DOK6: variants seen among roughly 807,000 people sequenced by gnomAD.
DOK6 encodes docking protein 6, also known as downstream of tyrosine kinase 6.
Under a neutral mutation model 44.0 loss-of-function variants are expected in DOK6, and 22 were observed. That is an observed-to-expected ratio of 0.50 (90% CI 0.36 to 0.71). The LOEUF (loss-of-function observed/expected upper bound fraction) is 0.71, where lower values mean the gene tolerates loss of function less well. Ranked by LOEUF, DOK6 falls within the 30% of genes least tolerant of loss-of-function variation. DOK6 has a pLI of 0.00. For synonymous variants in DOK6, 166 were observed against 145.5 expected (o/e 1.14, Z -1.01); for missense variants, 340 against 416.4 (o/e 0.82, Z 1.60).
chr18:69,820,125 T>C (rs939669395), intron 7 of DOK6, among the ~76,000 whole-genome samples: 1 of 152,222 alleles, frequency 6.6e-6, no homozygotes, highest in African/African-American at 2.4e-5. Flanking sequence ...GTATGTTTAC[T>C]ATATTTTCTT....
chr18:69,701,288 A>C (rs974264465), intron 5 of DOK6, among the ~76,000 whole-genome samples: 29 of 152,242 alleles, frequency 1.9e-4, no homozygotes, highest in African/African-American at 6.8e-4. Flanking sequence ...GGCGCCCAGG[A>C]GATGTATTCA....
chr18:69,571,207 C>T (rs1983107482), intron 2 of DOK6, among the ~76,000 whole-genome samples: 1 of 151,444 alleles, frequency 6.6e-6, no homozygotes, highest in African/African-American at 2.4e-5. Flanking sequence ...TTATTGTAAT[C>T]CCCAGAATAA....
intron 5 of DOK6, among the ~76,000 whole-genome samples, chr18:69,718,972 T>C (rs910270962): frequency 6.6e-6 from 1 of 152,168 alleles, no homozygotes; most frequent in African/African-American, 2.4e-5. Flanking sequence ...TTTAATATAT[T>C]CTAGATCTCA....
chr18:69,506,067 CAAAT>C (rs979178549), intron 1 of DOK6, among the ~76,000 whole-genome samples: 1 of 151,866 alleles, frequency 6.6e-6, no homozygotes, highest in African/African-American at 2.4e-5. Flanking sequence ...ATTCTAGCAA[CAAAT>C]GAATGTAGCT....
At chr18:69,623,584 A>G (rs1984491836) in intron 3 of DOK6, among the ~76,000 whole-genome samples, 1 of 152,194 alleles carries the variant, frequency 6.6e-6, no homozygotes, top group South Asian at 2.1e-4. Context: ...AATGTAGGGC[A>G]CTGGAAACAG....
At chr18:69,706,613 A>G (rs1444289121) in intron 5 of DOK6, among the ~76,000 whole-genome samples, 1 of 150,876 alleles carries the variant, frequency 6.6e-6, no homozygotes, top group Non-Finnish European at 1.5e-5. Context: ...CCATGCTGCT[A>G]TGCTGCACCC....
chr18:69,434,949 AGGG>A (rs1415100760), intron 1 of DOK6, among the ~76,000 whole-genome samples: 12,322 of 111,306 alleles, frequency 0.11, 1,273 homozygotes, highest in South Asian at 0.21. Context: ...GGAGGGAGGG[AGGG>A]AGGGAAGGAA....
intron 1 of DOK6, among the ~76,000 whole-genome samples, chr18:69,556,761 G>T (rs550277983): frequency 1.3e-5 from 2 of 152,232 alleles, no homozygotes; most frequent in South Asian, 4.2e-4. Context: ...CTATTTAACA[G>T]CCATTAAATA....
intron 1 of DOK6, among the ~76,000 whole-genome samples, chr18:69,412,229 T>A (rs1339174488): frequency 1.3e-5 from 2 of 151,920 alleles, no homozygotes; most frequent in Non-Finnish European, 2.9e-5. Flanking sequence ...GAGGTAGAGG[T>A]CATGTGATCC....
intron 1 of DOK6, among the ~76,000 whole-genome samples, chr18:69,452,206 C>G (rs767392886): frequency 1.5e-4 from 22 of 149,804 alleles, no homozygotes; most frequent in Non-Finnish European, 3.3e-4. Flanking sequence ...ATCAAATAGA[C>G]ACAATAAAAA....
At chr18:69,566,657 C>T (rs1329962539) in intron 2 of DOK6, among the ~76,000 whole-genome samples, 1 of 152,192 alleles carries the variant, frequency 6.6e-6, no homozygotes, top group Non-Finnish European at 1.5e-5. Context: ...GAGACACAGT[C>T]TTGCCCCGAA....
At chr18:69,789,161 A>G (rs919003654) in intron 7 of DOK6, among the ~76,000 whole-genome samples, 4 of 152,172 alleles carry the variant, frequency 2.6e-5, no homozygotes, top group African/African-American at 4.8e-5. Flanking sequence ...TGCTAGTACA[A>G]TTTTGTCTCC....
intron 2 of DOK6, 35 bp downstream of exon 2, chr18:69,564,629 C>T: frequency 2.0e-6 from 3 of 1,534,488 alleles, no homozygotes; most frequent in Non-Finnish European, 2.7e-6. Flanking sequence ...TGGGGAATAA[C>T]TGGGCCCTTG....
At chr18:69,643,052 T>C (rs965195799) in intron 3 of DOK6, among the ~76,000 whole-genome samples, 5 of 152,202 alleles carry the variant, frequency 3.3e-5, no homozygotes, top group African/African-American at 1.2e-4. Flanking sequence ...TTTCCCAATC[T>C]TTGTATCATT....
chr18:69,655,278 A>G (rs980803256), intron 3 of DOK6, among the ~76,000 whole-genome samples: 3 of 152,260 alleles, frequency 2.0e-5, no homozygotes, highest in African/African-American at 7.2e-5. Flanking sequence ...TAAAATAAAT[A>G]TAAGAAAAAA....
intron 5 of DOK6, among the ~76,000 whole-genome samples, chr18:69,730,410 G>C (rs1978363849): frequency 6.6e-6 from 1 of 152,176 alleles, no homozygotes; most frequent in African/African-American, 2.4e-5. Flanking sequence ...GAAGTGGTTG[G>C]TCCATTCCTA....
chr18:69,472,733 CAGAT>C (rs1980150356), intron 1 of DOK6, among the ~76,000 whole-genome samples: 1 of 152,108 alleles, frequency 6.6e-6, no homozygotes, highest in African/African-American at 2.4e-5. Context: ...CATACACGCA[CAGAT>C]AGACACACAC....
intron 1 of DOK6, among the ~76,000 whole-genome samples, chr18:69,472,277 C>T (rs1195766810): frequency 1.3e-5 from 2 of 152,094 alleles, no homozygotes; most frequent in South Asian, 2.1e-4. Flanking sequence ...TGTGAGCGCC[C>T]GGGCAAGGTA....
chr18:69,803,375 A>G (rs17793593), intron 7 of DOK6, among the ~76,000 whole-genome samples: 17,219 of 152,184 alleles, frequency 0.11, 993 homozygotes, highest in Middle Eastern at 0.15. Flanking sequence ...TTTGTACAAC[A>G]TTCAGAAAAT....
Sources: gnomAD v4.1 joint callset for allele counts (sites outside exome capture counted in the v4.1 genomes callset) on GRCh38, gnomAD v4.1.1 for gene constraint, MANE v1.5 for transcripts, NCBI Gene and HGNC (gene_info 2026-07-23, HGNC 2026-07-21) for gene names.